DET1: variants seen among roughly 807,000 people sequenced by gnomAD.
DET1 encodes DET1 homolog.
A neutral mutation model predicts 43.7 loss-of-function variants in DET1; 22 were observed. That is an observed-to-expected ratio of 0.50 (90% CI 0.36 to 0.72). The LOEUF (loss-of-function observed/expected upper bound fraction) is 0.72, where lower values mean the gene tolerates loss of function less well. DET1 is among the 30% of genes least tolerant of loss of function. The pLI is 0.00. For synonymous variants in DET1, 315 were observed against 266.2 expected (o/e 1.18, Z -1.79); for missense variants, 713 against 713.3 (o/e 1.00, Z 0.00).
chr15:88,545,475 A>G (rs145013806), intron 1 of DET1, among the ~76,000 whole-genome samples: 1,858 of 152,286 alleles, frequency 0.012, 44 homozygotes, highest in African/African-American at 0.041. Flanking sequence ...AACAGGAACG[A>G]GAAAATAACA....
chr15:88,512,568 A>T lies in DET1; in HGVS notation c.*383T>A. ...AATGGAAAGGATGTATGTCATTCTCATCAGTAAACAAGATTTAACTGCTTT... is the reference window on the plus strand; with the variant it reads ...AATGGAAAGGATGTATGTCATTCTCTTCAGTAAACAAGATTTAACTGCTTT... On this transcript the variant is annotated 3_prime_UTR_variant, in exon 5 of 5. Coordinates refer to ENST00000268148, the MANE Select transcript of DET1 (RefSeq NM_001144074.3). The T allele has an allele frequency of 9.9e-7, 1 of 1,007,214 alleles. No homozygotes were observed. Among genetic ancestry groups the T allele is most frequent in the Non-Finnish European group, 1.2e-6 (1 of 843,890 alleles). 62.4% of individuals were successfully genotyped at this position (1,007,214 alleles called of 1,614,324 possible). A position where few individuals can be genotyped will look rare whatever the true frequency, so the allele number is the denominator to read the frequency against.
intron 1 of DET1, among the ~76,000 whole-genome samples, chr15:88,539,800 G>A (rs528100616): frequency 1.2e-4 from 19 of 152,294 alleles, no homozygotes; most frequent in African/African-American, 4.3e-4. Flanking sequence ...GAAGTTGTGG[G>A]CATTTAGATT....
rs530991591 is a variant in DET1, at chr15:88,538,078, T to C, written c.-10-6363A>G. On this transcript the variant is annotated intron_variant, in intron 1 of 4. Coordinates refer to ENST00000268148, the MANE Select transcript of DET1 (RefSeq NM_001144074.3). The stretch of plus-strand genomic sequence containing the variant: ...GCCTAGCACTGGGACTGGCACATGG[T>C]AGGCATTTGGTACTTTATGGAACGA... Among the ~76,000 whole-genome samples, 80 of 152,352 alleles carry C rather than the reference T, an allele frequency of 5.3e-4. No individual in the cohort carries two copies. In the South Asian group the frequency reaches 0.014, roughly 27 times the overall value.
At chr15:88,536,213 G>A in intron 1 of DET1, 1 of 681,720 alleles carries the variant, frequency 1.5e-6, no homozygotes, top group Non-Finnish European at 2.7e-6. Context: ...TACCTCCTCA[G>A]AAATCTTCCC....
intron 1 of DET1, among the ~76,000 whole-genome samples, chr15:88,534,687 A>G (rs557398251): frequency 2.6e-5 from 4 of 152,218 alleles, no homozygotes; most frequent in Non-Finnish European, 4.4e-5. Flanking sequence ...CAGACTGGCC[A>G]CTGAATGTCA....
At chr15:88,536,701 G>A (rs1273365346) in intron 1 of DET1, among the ~76,000 whole-genome samples, 2 of 144,394 alleles carry the variant, frequency 1.4e-5, no homozygotes, top group Non-Finnish European at 3.0e-5. Context: ...AACCCGGGAG[G>A]CAGAGGTTGC....
At chr15:88,541,316 C>T (rs1475590891) in intron 1 of DET1, among the ~76,000 whole-genome samples, 1 of 151,994 alleles carries the variant, frequency 6.6e-6, no homozygotes, top group Non-Finnish European at 1.5e-5. Context: ...GACACATCCT[C>T]CTCTTTGAGA....
At position 88,516,931 on chromosome 15, in the gene DET1, T is replaced by C. The variant is rs776236614; in HGVS notation, c.1314A>G (p.Thr438=). ...TIINAKYGGH[T]EAVRRLLGQL... ...GACCCAGCAGCCGGCGTACTGCCTCTGTGTGCCCTCCATACTTGGCATTTA... is the reference window on the plus strand; with the variant it reads ...GACCCAGCAGCCGGCGTACTGCCTCCGTGTGCCCTCCATACTTGGCATTTA... The change falls in exon 4 of 5, where the codon ACA becomes ACG. Residue 438 remains threonine, a synonymous_variant. Coordinates refer to ENST00000268148, the MANE Select transcript of DET1 (RefSeq NM_001144074.3). The surrounding 1 kb of genome is among the most constrained non-coding windows in gnomAD (Gnocchi z 4.4). 5 of 1,607,574 alleles carry C rather than the reference T, an allele frequency of 3.1e-6. No homozygotes were observed. The highest frequency in any genetic ancestry group is 4.2e-6 in the Non-Finnish European group (5 of 1,176,972).
At chr15:88,535,239 A>C (rs2142321318) in intron 1 of DET1, among the ~76,000 whole-genome samples, 1 of 152,254 alleles carries the variant, frequency 6.6e-6, no homozygotes, top group South Asian at 2.1e-4. Flanking sequence ...AGAATAAAAA[A>C]CTCACTGATG....
At chr15:88,534,329 A>G (rs948814831) in intron 1 of DET1, among the ~76,000 whole-genome samples, 2 of 152,222 alleles carry the variant, frequency 1.3e-5, no homozygotes, top group African/African-American at 4.8e-5. Context: ...AAATGCAGCT[A>G]TAAAACCTAG....
chr15:88,505,637 G>A lies in DET1; in HGVS notation c.*2066-1650C>T, dbSNP rs535961223. ...CCCAGTTTGCACATCCACAGGCGACGAGAACAGCAATGTTGCAACTGCTGC... is the reference window on the plus strand; with the variant it reads ...CCCAGTTTGCACATCCACAGGCGACAAGAACAGCAATGTTGCAACTGCTGC... On this transcript the variant is annotated intron_variant and NMD_transcript_variant, in intron 7 of 8. Coordinates refer to the DET1 transcript ENST00000557842. The A allele has an allele frequency of 4.6e-5, 7 of 152,236 alleles. No individual in the cohort carries two copies. The East Asian group carries it at 1.2e-3, about 25-fold the overall frequency. The allele number at this position is 152,236 out of a possible 1,614,324, so 9.4% of individuals were successfully genotyped here.
At position 88,526,447 on chromosome 15, in the gene DET1, A is replaced by G. The variant is rs1598331613; in HGVS notation, c.1271+1152T>C. On this transcript the variant is annotated intron_variant, in intron 3 of 4. Transcript: ENST00000268148. ...TGTTTCATAATAATGCACTATGGCAATTATCAGAAGCTCTGGCTCATAGGA... is the reference window on the plus strand; with the variant it reads ...TGTTTCATAATAATGCACTATGGCAGTTATCAGAAGCTCTGGCTCATAGGA... Among the ~76,000 whole-genome samples the G allele has an allele frequency of 2.0e-5, 3 of 152,118 alleles. No homozygotes were observed. In the East Asian group the frequency reaches 5.8e-4, roughly 29 times the overall value.
chr15:88,508,263 C>T (rs986707630), downstream of DET1, among the ~76,000 whole-genome samples: 1 of 152,184 alleles, frequency 6.6e-6, no homozygotes, highest in African/African-American at 2.4e-5. Context: ...TCAGCCCAAG[C>T]CATTCCCCTG....
Position 88,530,864 on chromosome 15 carries a change from G to A in DET1, c.842C>T (p.Thr281Ile). The A allele has an allele frequency of 6.2e-7, 1 of 1,614,034 alleles. No homozygotes were observed. Among genetic ancestry groups the A allele is most frequent in the Non-Finnish European group, 8.5e-7 (1 of 1,179,900 alleles). The stretch of plus-strand genomic sequence containing the variant: ...ATCCCTAAAGGGATTGGCCATGCCT[G>A]TCTGACTGTCCCGCTGTACCTCAGG... ...VFPEVQRDSQ[T>I]GMANPFRDPF... is the part of the protein sequence containing the mutation. Residue 281 changes from threonine to isoleucine, a missense_variant, in exon 2 of 5, where the codon ACA becomes ATA. Coordinates refer to ENST00000268148, the MANE Select transcript of DET1 (RefSeq NM_001144074.3).
intron 3 of DET1, among the ~76,000 whole-genome samples, chr15:88,519,320 G>A (rs1380594827): frequency 2.0e-5 from 3 of 152,154 alleles, no homozygotes; most frequent in East Asian, 1.9e-4. Flanking sequence ...CTTAGTTCTC[G>A]GTAATTTCAA....
intron 2 of DET1, among the ~76,000 whole-genome samples, chr15:88,529,790 C>CG (rs1455742343): frequency 6.6e-6 from 1 of 152,228 alleles, no homozygotes; most frequent in Non-Finnish European, 1.5e-5. Flanking sequence ...AGTTGTCTAA[C>CG]TTGGTCAACA....
intron 3 of DET1, among the ~76,000 whole-genome samples, chr15:88,518,253 T>C (rs1015638810): frequency 1.3e-5 from 2 of 152,078 alleles, no homozygotes; most frequent in Non-Finnish European, 2.9e-5. Flanking sequence ...CAAAACTAAA[T>C]TTAATACTCT....
Position 88,531,372 on chromosome 15 carries a change from G to T in DET1, c.334C>A (p.Arg112=), listed in dbSNP as rs375858867. The change falls in exon 2 of 5, where the codon CGG becomes AGG. Residue 112 remains arginine (R), a synonymous_variant. Transcript: ENST00000268148. This position sits in a 1 kb window ranked among gnomAD's most constrained non-coding sequence, Gnocchi z 6.2. Reference sequence around the variant, plus strand: ...AGCCGGCCCCGGATATTCACTGACCGCTGGTCATTGCCATTGGACAGGATT... The same window carrying T: ...AGCCGGCCCCGGATATTCACTGACCTCTGGTCATTGCCATTGGACAGGATT... ...GEILSNGNDQ[R]SVNIRGRLFE... The T allele has an allele frequency of 6.2e-7, 1 of 1,614,014 alleles. No homozygotes were observed.
intron 1 of DET1, among the ~76,000 whole-genome samples, chr15:88,545,351 T>C (rs2057223107): frequency 6.6e-6 from 1 of 152,210 alleles, no homozygotes; most frequent in Non-Finnish European, 1.5e-5. Context: ...TTAACTGCTC[T>C]AGGTGACCCT....
Sources: gnomAD v4.1 joint callset for allele counts (sites outside exome capture counted in the v4.1 genomes callset) on GRCh38, gnomAD v4.1.1 for gene constraint, Gnocchi (gnomAD v3.1) non-coding constraint, MANE v1.5 for transcripts, NCBI Gene and HGNC (gene_info 2026-07-23, HGNC 2026-07-21) for gene names.